VPS13C: variants seen among roughly 807,000 people sequenced by gnomAD.
VPS13C encodes vacuolar protein sorting 13 homolog C.
A neutral mutation model predicts 456.8 loss-of-function variants in VPS13C; 358 were observed. That is an observed-to-expected ratio of 0.78 (90% CI 0.72 to 0.86). VPS13C has a LOEUF of 0.86. Among genes scored for constraint, VPS13C ranks in the 40% least tolerant of loss-of-function variants. VPS13C has a pLI of 0.00. For synonymous variants in VPS13C, 1,578 were observed against 1,486.7 expected (o/e 1.06, Z -1.41); for missense variants, 4,818 against 4,385.4 (o/e 1.10, Z -2.79).
Position 61,920,030 on chromosome 15 carries a change from T to A in VPS13C, c.7477+37A>T, listed in dbSNP as rs1280999566. 2.0e-6 allele frequency: 3 copies of A among 1,470,902 alleles called. No individual in the cohort carries two copies. The African/African-American group carries it at 4.2e-5, about 21-fold the overall frequency. 91.1% of individuals were successfully genotyped at this position (1,470,902 alleles called of 1,614,324 possible). On this transcript the variant is annotated intron_variant, in intron 57 of 84. Coordinates refer to ENST00000644861, the MANE Select transcript of VPS13C (RefSeq NM_020821.3). ...TCAAAAATAAGCCCACACCAACAAC[T>A]GCTAAGATACCCTTAAGGAAAACAA...
chr15:61,929,763 G>A lies in VPS13C; in HGVS notation c.6039-15C>T, dbSNP rs2043993995. ...TGTCAATCATTCTGAAAAAAAACAT[G>A]CTATTCATTATTTTATTCTTGCTAA... On this transcript the variant is annotated splice_polypyrimidine_tract_variant and intron_variant, in intron 50 of 84. Transcript: ENST00000644861. 6.3e-7 allele frequency: 1 copy of A among 1,597,516 alleles called. No homozygotes were observed.
At chr15:61,980,619 T>C (rs1215325580) in intron 22 of VPS13C, among the ~76,000 whole-genome samples, 3 of 151,156 alleles carry the variant, frequency 2.0e-5, no homozygotes. Context: ...CTTCTAACTT[T>C]TTTTGGTTTC....
chr15:61,869,255 T>C (rs1197614678), intron 80 of VPS13C, among the ~76,000 whole-genome samples: 1 of 151,894 alleles, frequency 6.6e-6, no homozygotes, highest in Admixed American at 6.6e-5. Flanking sequence ...GTAGCTAGGA[T>C]TACAGGTGCC....
In VPS13C at chr15:61,974,147, A is replaced by G. The variant is rs550278889; in HGVS notation, c.2538+141T>C. 745 of 845,820 alleles carry G rather than the reference A, an allele frequency of 8.8e-4. 2 individuals carry two copies. The highest frequency in any genetic ancestry group is 7.6e-4 in the Non-Finnish European group (463 of 610,190). The allele number at this position is 845,820 out of a possible 1,614,324, so 52.4% of individuals were successfully genotyped here. ...TTTCCCCTCTAGCTTTATTTAAAACACATTATAAATTTGAAAGACATTTTA... is the reference window on the plus strand; with the variant it reads ...TTTCCCCTCTAGCTTTATTTAAAACGCATTATAAATTTGAAAGACATTTTA... On this transcript the variant is annotated intron_variant, in intron 25 of 84. Transcript: ENST00000644861.
At chr15:61,945,040 G>C (rs1169788952) in intron 45 of VPS13C, among the ~76,000 whole-genome samples, 1 of 152,130 alleles carries the variant, frequency 6.6e-6, no homozygotes, top group African/African-American at 2.4e-5. Flanking sequence ...CTGTTCTTGT[G>C]ATAGTGAGTT....
intron 1 of VPS13C, among the ~76,000 whole-genome samples, chr15:62,057,968 C>A (rs1015094283): frequency 6.6e-6 from 1 of 152,058 alleles, no homozygotes. Context: ...TATATCCATA[C>A]GTTTTATCTT....
Position 61,934,204 on chromosome 15 carries a change from A to C in VPS13C, c.5868+15T>G. On this transcript the variant is annotated intron_variant, in intron 49 of 84. Coordinates refer to ENST00000644861, the MANE Select transcript of VPS13C (RefSeq NM_020821.3). Reference sequence around the variant, plus strand: ...GCTAAGGATTTATTTCTAATTACAGAAATGTATTACATACCTGGTTGATAT... The same window carrying C: ...GCTAAGGATTTATTTCTAATTACAGCAATGTATTACATACCTGGTTGATAT... The C allele has an allele frequency of 6.6e-7, 1 of 1,516,976 alleles. No homozygotes were observed. The highest frequency in any genetic ancestry group is 9.0e-7 in the Non-Finnish European group (1 of 1,116,894). 94.0% of individuals were successfully genotyped at this position (1,516,976 alleles called of 1,614,324 possible).
chr15:61,940,120 C>T (rs751185104), intron 47 of VPS13C, among the ~76,000 whole-genome samples: 6 of 152,100 alleles, frequency 3.9e-5, no homozygotes, highest in Non-Finnish European at 5.9e-5. Flanking sequence ...TATTTATATG[C>T]TTATCAAATA....
chr15:62,016,745 TC>T (rs1362771786), intron 9 of VPS13C, among the ~76,000 whole-genome samples: 1 of 152,094 alleles, frequency 6.6e-6, no homozygotes, highest in African/African-American at 2.4e-5. Context: ...TGTACATGTG[TC>T]TTTAGAGCAG....
At chr15:61,866,551 T>C (rs1894606742) in intron 81 of VPS13C, 7 of 985,026 alleles carry the variant, frequency 7.1e-6, no homozygotes, top group Admixed American at 6.2e-5. Context: ...CTATTGGAGA[T>C]GATTTAAGTC....
At chr15:62,028,549 G>T in intron 5 of VPS13C, 129 bp from the exon 6 acceptor site, 2 of 863,832 alleles carry the variant, frequency 2.3e-6, no homozygotes, top group African/African-American at 1.7e-5. Flanking sequence ...ATTAAAATTT[G>T]GTGACACCAA....
At chr15:61,900,682 G>T (rs1252663529) in intron 66 of VPS13C, among the ~76,000 whole-genome samples, 1 of 151,066 alleles carries the variant, frequency 6.6e-6, no homozygotes, top group Non-Finnish European at 1.5e-5. Context: ...TGGCCATACT[G>T]CCCAAGGTAA....
intron 66 of VPS13C, among the ~76,000 whole-genome samples, chr15:61,899,062 A>G (rs1172523676): frequency 3.6e-5 from 2 of 55,868 alleles, no homozygotes; most frequent in Non-Finnish European, 6.9e-5. Context: ...CAACGAGAAC[A>G]AAGACACAAC....
chr15:61,931,301 A>G, intron 49 of VPS13C, 42 bp from the exon 50 acceptor site: 4 of 1,512,874 alleles, frequency 2.6e-6, no homozygotes, highest in Non-Finnish European at 3.5e-6. Context: ...TTACCTTTAA[A>G]TATTATATAA....
rs1412266922 is a variant in VPS13C, at chr15:61,918,368, G to C, written c.7639-111C>G. 7 of 1,040,180 alleles carry C rather than the reference G, an allele frequency of 6.7e-6. No homozygotes were observed. The South Asian group carries it at 1.3e-4, about 19-fold the overall frequency. The allele number at this position is 1,040,180 out of a possible 1,614,324, so 64.4% of individuals were successfully genotyped here. On this transcript the variant is annotated intron_variant, in intron 58 of 84. Transcript: ENST00000644861. ...TCTAAAAAATTTCAAACTCAGTATT[G>C]GAAGATATTTTTATTGGCAATTGAA...
intron 81 of VPS13C, chr15:61,865,318 T>C (rs1162246593): frequency 2.0e-5 from 20 of 980,384 alleles, no homozygotes; most frequent in Middle Eastern, 1.0e-3. Flanking sequence ...AGTAGAATAA[T>C]TTAATGTCAT....
intron 18 of VPS13C, among the ~76,000 whole-genome samples, chr15:61,985,951 T>C (rs968804564): frequency 6.6e-6 from 1 of 152,050 alleles, no homozygotes; most frequent in African/African-American, 2.4e-5. Context: ...CACATTCTTT[T>C]GCCTGGGACC....
At position 62,056,654 on chromosome 15, in the gene VPS13C, C is replaced by T. The variant is rs533818907; in HGVS notation, c.100+3621G>A. On this transcript the variant is annotated intron_variant, in intron 1 of 84. Transcript: ENST00000644861. ...GGGCCTGACATCAGTCAGGCTTGCC[C>T]GCAGTTATCCGGAGGCCTAACCGTC... Among the ~76,000 whole-genome samples, 72 of 152,218 alleles carry T rather than the reference C, an allele frequency of 4.7e-4. 1 individual carries two copies. The highest frequency in any genetic ancestry group is 1.5e-3 in the African/African-American group (63 of 41,546).
intron 79 of VPS13C, among the ~76,000 whole-genome samples, chr15:61,870,549 G>A (rs1165326187): frequency 6.6e-6 from 1 of 152,118 alleles, no homozygotes; most frequent in Non-Finnish European, 1.5e-5. Context: ...CATTTGGGTT[G>A]TTTCCATCTT....
Sources: allele counts gnomAD v4.1 joint callset (sites outside exome capture counted in the v4.1 genomes callset), GRCh38; gene constraint gnomAD v4.1.1; transcripts MANE v1.5; gene names NCBI Gene and HGNC (gene_info 2026-07-23, HGNC 2026-07-21).